The following LINGO2 variants were observed in gnomAD, a reference collection of about 807,000 sequenced individuals.
LINGO2 encodes leucine rich repeat and Ig domain containing 2.
A neutral mutation model predicts 30.6 loss-of-function variants in LINGO2; 14 were observed. The ratio of observed to expected loss-of-function variants is 0.46; its 90% CI spans 0.30 to 0.72. The LOEUF is 0.72. Among genes scored for constraint, LINGO2 ranks in the 30% least tolerant of loss-of-function variants. LINGO2 has a pLI of 0.07. For synonymous variants in LINGO2, 317 were observed against 288.5 expected, an observed-to-expected ratio of 1.10 and a Z score of -1.00; for missense variants, 729 against 751.7, an observed-to-expected ratio of 0.97 and a Z score of 0.35.
intron 2 of LINGO2, among the ~76,000 whole-genome samples, chr9:28,442,548 C>G (rs1211682976): frequency 6.6e-6 from 1 of 152,078 alleles, no homozygotes; most frequent in Non-Finnish European, 1.5e-5. Context: ...TTCTTCAGTA[C>G]TTACCAACTA....
chr9:28,541,721 T>C (rs1429222303), intron 1 of LINGO2, among the ~76,000 whole-genome samples: 1 of 152,080 alleles, frequency 6.6e-6, no homozygotes, highest in Non-Finnish European at 1.5e-5. Context: ...TTTCCTTGGG[T>C]AAAACATAAA....
At chr9:28,211,212 C>T (rs1820578812) in intron 4 of LINGO2, among the ~76,000 whole-genome samples, 1 of 151,350 alleles carries the variant, frequency 6.6e-6, no homozygotes, top group Non-Finnish European at 1.5e-5. Flanking sequence ...TTACCGTAGC[C>T]CATCAGGGTC....
At chr9:28,304,110 G>A (rs1199268098) in intron 3 of LINGO2, among the ~76,000 whole-genome samples, 6 of 151,916 alleles carry the variant, frequency 3.9e-5, no homozygotes. Context: ...CCTGTTTTGT[G>A]AGATGTGGAT....
the LINGO2 span, among the ~76,000 whole-genome samples, chr9:28,799,558 G>T: frequency 6.6e-6 from 1 of 152,102 alleles, no homozygotes; most frequent in Non-Finnish European, 1.5e-5. Flanking sequence ...TAAGAACTGA[G>T]AGGAGAGAAA....
intron 1 of LINGO2, among the ~76,000 whole-genome samples, chr9:28,602,612 A>G (rs1187536524): frequency 6.6e-6 from 1 of 152,146 alleles, no homozygotes; most frequent in African/African-American, 2.4e-5. Flanking sequence ...CAGAGAAAAG[A>G]AATATAGTAA....
intron 5 of LINGO2, among the ~76,000 whole-genome samples, chr9:27,985,946 C>A (rs947356783): frequency 4.0e-5 from 6 of 151,790 alleles, no homozygotes; most frequent in African/African-American, 9.7e-5. Flanking sequence ...TCCTCTCCAA[C>A]CCAAGACACT....
chr9:28,316,368 A>T (rs1824847252), intron 3 of LINGO2, among the ~76,000 whole-genome samples: 1 of 152,164 alleles, frequency 6.6e-6, no homozygotes, highest in Non-Finnish European at 1.5e-5. Context: ...TTATGTAAAA[A>T]TTGAAGATTA....
At chr9:29,137,964 T>C in the LINGO2 span, among the ~76,000 whole-genome samples, 4,095 of 152,100 alleles carry the variant, frequency 0.027, 77 homozygotes, top group Middle Eastern at 0.068. Flanking sequence ...AGTGCTTCAA[T>C]CAGTACCTAG....
chr9:27,968,830 G>C (rs1452872399), intron 5 of LINGO2, among the ~76,000 whole-genome samples: 1 of 151,052 alleles, frequency 6.6e-6, no homozygotes, highest in East Asian at 1.9e-4. Flanking sequence ...TCCCTGTTAT[G>C]GTAATTTACC....
chr9:28,521,519 G>A (rs1333644079), intron 1 of LINGO2, among the ~76,000 whole-genome samples: 1 of 152,166 alleles, frequency 6.6e-6, no homozygotes, highest in Non-Finnish European at 1.5e-5. Context: ...CAGCCAATTA[G>A]TCATGTTCTT....
At chr9:28,816,408 C>T in the LINGO2 span, among the ~76,000 whole-genome samples, 1 of 152,130 alleles carries the variant, frequency 6.6e-6, no homozygotes, top group African/African-American at 2.4e-5. Context: ...AGAGTAATTG[C>T]TATTTTTTAT....
chr9:28,610,076 T>G (rs1587955510), intron 1 of LINGO2, among the ~76,000 whole-genome samples: 1 of 151,602 alleles, frequency 6.6e-6, no homozygotes, highest in Non-Finnish European at 1.5e-5. Context: ...CATTGGAAGG[T>G]AGAGACAGAG....
chr9:28,245,344 A>C (rs1285275528), intron 4 of LINGO2, among the ~76,000 whole-genome samples: 1 of 152,080 alleles, frequency 6.6e-6, no homozygotes, highest in Non-Finnish European at 1.5e-5. Flanking sequence ...CCCACAACTG[A>C]TATACTAAAT....
At chr9:28,881,717 T>C in the LINGO2 span, among the ~76,000 whole-genome samples, 1 of 151,984 alleles carries the variant, frequency 6.6e-6, no homozygotes, top group African/African-American at 2.4e-5. Flanking sequence ...TGTGTCATGG[T>C]GGTTTGTTGC....
At chr9:28,545,105 T>C (rs1821873323) in intron 1 of LINGO2, among the ~76,000 whole-genome samples, 1 of 152,072 alleles carries the variant, frequency 6.6e-6, no homozygotes, top group Admixed American at 6.6e-5. Context: ...TAAGGGTTTT[T>C]AGCTGCAGAG....
chr9:29,207,015 A>ATG, the LINGO2 span, among the ~76,000 whole-genome samples: 256 of 150,208 alleles, frequency 1.7e-3, no homozygotes, highest in East Asian at 0.013. Context: ...ATCAGGCTAT[A>ATG]TGTGTGTGTG....
chr9:27,985,280 G>C (rs991690330), intron 5 of LINGO2, among the ~76,000 whole-genome samples: 1 of 151,880 alleles, frequency 6.6e-6, no homozygotes, highest in Non-Finnish European at 1.5e-5. Flanking sequence ...ATGTGAAAGT[G>C]TAATAATTTT....
At chr9:29,121,031 T>G in the LINGO2 span, among the ~76,000 whole-genome samples, 1 of 152,208 alleles carries the variant, frequency 6.6e-6, no homozygotes, top group African/African-American at 2.4e-5. Context: ...CCTGGATATA[T>G]ACATCAAAAA....
At chr9:28,048,840 G>A (rs1824542019) in intron 4 of LINGO2, among the ~76,000 whole-genome samples, 1 of 150,224 alleles carries the variant, frequency 6.7e-6, no homozygotes, top group Admixed American at 6.7e-5. Flanking sequence ...ACATATATAT[G>A]TAACTATATA....
Sources: allele counts gnomAD v4.1 joint callset (sites outside exome capture counted in the v4.1 genomes callset), GRCh38; gene constraint gnomAD v4.1.1; transcripts MANE v1.5; gene names NCBI Gene and HGNC (gene_info 2026-07-23, HGNC 2026-07-21).